The following LRP1B variants were observed in gnomAD, a reference collection of about 807,000 sequenced individuals.
LRP1B encodes low-density lipoprotein receptor-related protein 1B.
A neutral mutation model predicts 556.6 loss-of-function variants in LRP1B; 217 were observed. The ratio of observed to expected loss-of-function variants is 0.39; its 90% confidence interval spans 0.35 to 0.44. The LOEUF (loss-of-function observed/expected upper bound fraction) is 0.44, where lower values mean the gene tolerates loss of function less well. Ranked by LOEUF, LRP1B falls within the 20% of genes least tolerant of loss-of-function variation. The probability of loss-of-function intolerance (pLI) is 1.00; values close to 1 mark genes in which losing one functional copy is unlikely to be tolerated. For missense variants in LRP1B, 5,053 were observed against 5,620.8 expected (o/e 0.90, Z 3.23); for synonymous variants, 2,047 against 1,865.8 (o/e 1.10, Z -2.50).
intron 2 of LRP1B, among the ~76,000 whole-genome samples, chr2:141,534,962 CT>C (rs1685019240): frequency 6.6e-6 from 1 of 152,076 alleles, no homozygotes; most frequent in African/African-American, 2.4e-5. Context: ...CCAACACTTT[CT>C]TTTTGTTTCT....
At chr2:141,256,355 A>G (rs770790192) in intron 3 of LRP1B, among the ~76,000 whole-genome samples, 2 of 151,874 alleles carry the variant, frequency 1.3e-5, no homozygotes, top group Non-Finnish European at 2.9e-5. Context: ...TTGCTAACCT[A>G]TAATGCTTGA....
intron 41 of LRP1B, among the ~76,000 whole-genome samples, chr2:140,655,676 C>T (rs1453302392): frequency 6.6e-6 from 1 of 152,218 alleles, no homozygotes; most frequent in Non-Finnish European, 1.5e-5. Context: ...GGCGCGGTGG[C>T]TCACGCCTGC....
At chr2:140,733,396 C>A (rs185463266) in intron 35 of LRP1B, among the ~76,000 whole-genome samples, 8 of 152,030 alleles carry the variant, frequency 5.3e-5, no homozygotes, top group African/African-American at 1.9e-4. Context: ...AAACTATGTC[C>A]GCAGAAAGCT....
At chr2:140,496,078 A>G (rs1415052187) in intron 55 of LRP1B, among the ~76,000 whole-genome samples, 1 of 152,194 alleles carries the variant, frequency 6.6e-6, no homozygotes, top group Non-Finnish European at 1.5e-5. Context: ...CTATTGCATT[A>G]CATTGTCTTT....
At chr2:140,630,919 G>A (rs1683858707) in intron 41 of LRP1B, among the ~76,000 whole-genome samples, 1 of 152,064 alleles carries the variant, frequency 6.6e-6, no homozygotes, top group Admixed American at 6.6e-5. Context: ...ACTGAAGTTT[G>A]GTCACAGAAT....
chr2:141,268,792 A>G (rs1684983743), intron 3 of LRP1B, among the ~76,000 whole-genome samples: 1 of 152,174 alleles, frequency 6.6e-6, no homozygotes, highest in African/African-American at 2.4e-5. Flanking sequence ...CCAAAAAACA[A>G]CAGACACAGC....
Position 140,692,459 on chromosome 2 carries a change from A to T in LRP1B, c.6799+7791T>A, listed in dbSNP as rs373558068. On this transcript the variant is annotated intron_variant, in intron 41 of 90. Transcript: ENST00000389484. ...AATAGCTCTTCAGAGTAGTTGTACA[A>T]AATTGTAATTTTCATCAATTGTGTG... is the stretch of plus-strand genomic sequence containing the variant. 3.3e-5 allele frequency among the ~76,000 whole-genome samples: 5 copies of T among 152,262 alleles called. 1 individual carries two copies. In the East Asian group the frequency reaches 7.7e-4, roughly 23 times the overall value.
intron 1 of LRP1B, among the ~76,000 whole-genome samples, chr2:142,058,407 G>C (rs1159483846): frequency 6.6e-6 from 1 of 152,132 alleles, no homozygotes; most frequent in Non-Finnish European, 1.5e-5. Flanking sequence ...CGGGTATCCT[G>C]CTGTTCTTCC....
chr2:141,786,696 G>A (rs984699357), intron 2 of LRP1B, among the ~76,000 whole-genome samples: 5 of 151,920 alleles, frequency 3.3e-5, no homozygotes, highest in African/African-American at 9.7e-5. Context: ...AGTAGGGAGA[G>A]CAGACATCCT....
intron 43 of LRP1B, among the ~76,000 whole-genome samples, chr2:140,577,275 G>A (rs1007629928): frequency 6.6e-6 from 1 of 151,998 alleles, no homozygotes; most frequent in African/African-American, 2.4e-5. Flanking sequence ...ACAAGGTCAA[G>A]AGATCCGGAC....
intron 86 of LRP1B, among the ~76,000 whole-genome samples, chr2:140,268,180 T>C (rs556583946): frequency 1.3e-5 from 2 of 152,026 alleles, no homozygotes; most frequent in South Asian, 4.1e-4. Flanking sequence ...CTGAATCCAT[T>C]TTTGGTCAAG....
intron 1 of LRP1B, among the ~76,000 whole-genome samples, chr2:141,936,534 A>G (rs951017962): frequency 1.3e-5 from 2 of 152,208 alleles, no homozygotes; most frequent in African/African-American, 4.8e-5. Flanking sequence ...CTCTGCCTTT[A>G]GACTTTCCAG....
intron 41 of LRP1B, among the ~76,000 whole-genome samples, chr2:140,647,613 C>A (rs1684528696): frequency 6.6e-6 from 1 of 152,116 alleles, no homozygotes; most frequent in African/African-American, 2.4e-5. Flanking sequence ...GTGGTTCCTG[C>A]CCCCATGAAC....
At chr2:141,397,580 A>T (rs2104918136) in intron 3 of LRP1B, among the ~76,000 whole-genome samples, 1 of 152,096 alleles carries the variant, frequency 6.6e-6, no homozygotes, top group African/African-American at 2.4e-5. Context: ...TGAGATAAAA[A>T]GGCAACTATT....
At chr2:141,283,618 C>CT (rs751136016) in intron 3 of LRP1B, among the ~76,000 whole-genome samples, 44,172 of 123,884 alleles carry the variant, frequency 0.36, 8,878 homozygotes, top group East Asian at 0.69. Flanking sequence ...AAGAGACCCA[C>CT]TTTTTTTTTT....
intron 45 of LRP1B, among the ~76,000 whole-genome samples, chr2:140,539,321 T>A (rs1444305696): frequency 6.6e-6 from 1 of 152,068 alleles, no homozygotes; most frequent in African/African-American, 2.4e-5. Context: ...AAAGATAAAT[T>A]TGACAAGGAG....
chr2:142,002,448 T>A (rs1280049767), intron 1 of LRP1B, among the ~76,000 whole-genome samples: 1 of 151,950 alleles, frequency 6.6e-6, no homozygotes, highest in Non-Finnish European at 1.5e-5. Flanking sequence ...TAAAATCATT[T>A]GCAGCTATTA....
At chr2:140,550,885 G>A (rs1416277998) in intron 43 of LRP1B, among the ~76,000 whole-genome samples, 2 of 152,084 alleles carry the variant, frequency 1.3e-5, no homozygotes, top group East Asian at 3.8e-4. Flanking sequence ...GATAATTGGA[G>A]GTGGGGCCTT....
chr2:141,131,155 A>G (rs1400918011), intron 7 of LRP1B, among the ~76,000 whole-genome samples: 1 of 152,022 alleles, frequency 6.6e-6, no homozygotes, highest in Non-Finnish European at 1.5e-5. Context: ...AATAATAATA[A>G]TAGTACAGAT....
Sources: gnomAD v4.1 joint callset for allele counts (sites outside exome capture counted in the v4.1 genomes callset) on GRCh38, gnomAD v4.1.1 for gene constraint, MANE v1.5 for transcripts, NCBI Gene and HGNC (gene_info 2026-07-23, HGNC 2026-07-21) for gene names.